Variants in CENPP observed in about 807,000 individuals in gnomAD.
CENPP encodes centromere protein P.
In CENPP, 24 loss-of-function variants were observed where a neutral mutation model predicts 35.6. That is an observed-to-expected ratio of 0.67 (90% CI 0.49 to 0.95). CENPP has a LOEUF of 0.95. Among genes scored for constraint, CENPP ranks in the 40% least tolerant of loss-of-function variants. The pLI, the probability that CENPP is intolerant of heterozygous loss-of-function variation, is 0.00. For missense variants in CENPP, 332 were observed against 345.3 expected (o/e 0.96, Z 0.31); for synonymous variants, 120 against 125.5 (o/e 0.96, Z 0.29).
At chr9:92,345,489 T>TC (rs1472454148) in intron 3 of CENPP, among the ~76,000 whole-genome samples, 1 of 130,920 alleles carries the variant, frequency 7.6e-6, no homozygotes, top group African/African-American at 2.8e-5. Context: ...AGACTCCGTC[T>TC]CCAAAAAAAA....
At chr9:92,377,161 G>A (rs1036081240) in intron 4 of CENPP, among the ~76,000 whole-genome samples, 15 of 152,108 alleles carry the variant, frequency 9.9e-5, no homozygotes, top group African/African-American at 3.6e-4. Flanking sequence ...TATGTTTGCA[G>A]CTCTATTTTT....
At position 92,620,386 on chromosome 9, in the gene CENPP, C is replaced by T. The variant is rs1265961825; in HGVS notation, c.*7237C>T. The T allele has an allele frequency of 1.3e-5, 2 of 152,284 alleles. No homozygotes were observed. The highest frequency in any genetic ancestry group is 2.9e-5 in the Non-Finnish European group (2 of 68,096). The allele number at this position is 152,284 out of a possible 1,614,324, so 9.4% of individuals were successfully genotyped here. ...CAGGGAGAAAGGTGAAGGACAGGCA[C>T]CACAATGCTCACAACTGTCTCCTCT... On this transcript the variant is annotated 3_prime_UTR_variant, in exon 8 of 8. Transcript: ENST00000375587.
At chr9:92,418,840 ATTAT>A (rs1843698680) in intron 5 of CENPP, among the ~76,000 whole-genome samples, 1 of 152,178 alleles carries the variant, frequency 6.6e-6, no homozygotes, top group Non-Finnish European at 1.5e-5. Flanking sequence ...CCAGAATCCA[ATTAT>A]TTAGTCTCCG....
chr9:92,518,400 C>G (rs1163139777), intron 5 of CENPP, among the ~76,000 whole-genome samples: 1 of 152,128 alleles, frequency 6.6e-6, no homozygotes, highest in African/African-American at 2.4e-5. Context: ...AGCCGCCAGC[C>G]AATCCAGTTC....
chr9:92,385,863 G>A, intron 5 of CENPP: 1 of 1,464,698 alleles, frequency 6.8e-7, no homozygotes, highest in Non-Finnish European at 9.5e-7. Context: ...ATGGGTAAAG[G>A]AAACCTAAGT....
intron 5 of CENPP, among the ~76,000 whole-genome samples, chr9:92,437,111 A>C (rs1460664203): frequency 1.3e-5 from 2 of 152,202 alleles, no homozygotes; most frequent in African/African-American, 2.4e-5. Context: ...CTGTGGCAGG[A>C]GAATCGCTCA....
chr9:92,442,587 C>T (rs528780613), intron 5 of CENPP, among the ~76,000 whole-genome samples: 6 of 151,820 alleles, frequency 4.0e-5, no homozygotes, highest in Non-Finnish European at 8.8e-5. Flanking sequence ...CAGTGGCTCA[C>T]GCCTGTAATC....
At chr9:92,598,252 T>A (rs1429975394) in intron 5 of CENPP, among the ~76,000 whole-genome samples, 3 of 152,170 alleles carry the variant, frequency 2.0e-5, no homozygotes, top group Admixed American at 6.5e-5. Context: ...CACCCCCCAC[T>A]GCCATGGGTC....
At chr9:92,567,383 T>TATATATATATAGATATATATATATAG (rs1554688278) in intron 5 of CENPP, among the ~76,000 whole-genome samples, 1 of 94,642 alleles carries the variant, frequency 1.1e-5, no homozygotes, top group Non-Finnish European at 2.1e-5. Context: ...GATATATATA[T>TATATATATATAGATATATATATATAG]ATATATATAT....
chr9:92,525,532 G>A lies in CENPP; in HGVS notation c.565-85782G>A, dbSNP rs1369613180. Among the ~76,000 whole-genome samples, 10 of 152,174 alleles carry A rather than the reference G, an allele frequency of 6.6e-5. No homozygotes were observed. The East Asian group carries it at 1.7e-3, about 26-fold the overall frequency. On this transcript the variant is annotated intron_variant, in intron 5 of 7. Coordinates refer to ENST00000375587, the MANE Select transcript of CENPP (RefSeq NM_001012267.3). ...AGACGTCACAGCATCATAGCATAAC[G>A]CATTACTCATAATGTTTGTGGTGAT... is the stretch of plus-strand genomic sequence containing the variant.
intron 5 of CENPP, among the ~76,000 whole-genome samples, chr9:92,512,312 G>T (rs1010143442): frequency 6.6e-6 from 1 of 152,310 alleles, no homozygotes; most frequent in East Asian, 1.9e-4. Flanking sequence ...GCTGGAAATA[G>T]ATGGTTTAAC....
chr9:92,439,725 C>G (rs927368615), intron 5 of CENPP, among the ~76,000 whole-genome samples: 1 of 152,124 alleles, frequency 6.6e-6, no homozygotes, highest in African/African-American at 2.4e-5. Flanking sequence ...TGTTAAAATT[C>G]TTGGAATGCT....
In CENPP at chr9:92,620,255, AAGCTATGT is replaced by A. The variant is rs1851586302; in HGVS notation, c.*7107_*7114del. Reference sequence around the variant, plus strand: ...ATTTACACTCTTCAACACATGCTCCAAGCTATGTGGGTCTGTCCATACTGACCAGGGAC... The same window carrying A: ...ATTTACACTCTTCAACACATGCTCCAGGGTCTGTCCATACTGACCAGGGAC... On this transcript the variant is annotated 3_prime_UTR_variant, in exon 8 of 8. Transcript: ENST00000375587. 1 of 154,232 alleles carries A rather than the reference AAGCTATGT, an allele frequency of 6.5e-6. No homozygotes were observed. The highest frequency in any genetic ancestry group is 1.4e-5 in the Non-Finnish European group (1 of 69,224). 9.6% of individuals were successfully genotyped at this position (154,232 alleles called of 1,614,324 possible).
chr9:92,443,554 G>T (rs1844475430), intron 5 of CENPP, among the ~76,000 whole-genome samples: 1 of 152,078 alleles, frequency 6.6e-6, no homozygotes, highest in African/African-American at 2.4e-5. Context: ...GTTTTTGTGT[G>T]ATTTTACATG....
At chr9:92,502,696 T>A in intron 5 of CENPP, 2 of 1,449,806 alleles carry the variant, frequency 1.4e-6, no homozygotes, top group Non-Finnish European at 1.9e-6. Context: ...TTGTGTTAGT[T>A]GATACGTTCA....
At chr9:92,541,481 C>T (rs1024832230) in intron 5 of CENPP, among the ~76,000 whole-genome samples, 2 of 147,012 alleles carry the variant, frequency 1.4e-5, no homozygotes, top group African/African-American at 5.0e-5. Context: ...CTGCCTCAGC[C>T]TCCCGAGTAG....
chr9:92,438,015 C>A (rs887350873), intron 5 of CENPP, among the ~76,000 whole-genome samples: 1 of 150,988 alleles, frequency 6.6e-6, no homozygotes, highest in African/African-American at 2.4e-5. Flanking sequence ...CCTGTGTTGC[C>A]CAGGCTGGTC....
chr9:92,485,171 A>G (rs903238397), intron 5 of CENPP, among the ~76,000 whole-genome samples: 1 of 152,216 alleles, frequency 6.6e-6, no homozygotes, highest in Non-Finnish European at 1.5e-5. Flanking sequence ...TTTCCAGGTT[A>G]TCATTCCAAA....
intron 5 of CENPP, chr9:92,403,156 A>T: frequency 1.1e-6 from 1 of 898,060 alleles, no homozygotes. Flanking sequence ...ACCTTATCAG[A>T]CACATTCAGG....
Sources: gnomAD v4.1 joint callset for allele counts (sites outside exome capture counted in the v4.1 genomes callset) on GRCh38, gnomAD v4.1.1 for gene constraint, MANE v1.5 for transcripts, NCBI Gene and HGNC (gene_info 2026-07-23, HGNC 2026-07-21) for gene names.